The following SYBU variants were observed in gnomAD, a reference collection of about 807,000 sequenced individuals.
SYBU encodes GOLSYN A protein.
In SYBU, 21 loss-of-function variants were observed where a neutral mutation model predicts 35.9. That is an observed-to-expected ratio of 0.58 (90% CI 0.41 to 0.84). SYBU has a LOEUF of 0.84. Ranked by LOEUF, SYBU falls within the 40% of genes least tolerant of loss-of-function variation. The probability of loss-of-function intolerance (pLI) is 0.00; values close to 1 mark genes in which losing one functional copy is unlikely to be tolerated. For synonymous variants in SYBU, 319 were observed against 324.3 expected (o/e 0.98, Z 0.18); for missense variants, 768 against 848.2 (o/e 0.91, Z 1.17).
chr8:109,614,580 C>T (rs1019874219), intron 3 of SYBU, among the ~76,000 whole-genome samples: 1 of 152,252 alleles, frequency 6.6e-6, no homozygotes. Context: ...ACAACTTCCC[C>T]ACGCTCCTCC....
intron 1 of SYBU, among the ~76,000 whole-genome samples, chr8:109,668,690 C>T (rs1037316315): frequency 8.5e-5 from 13 of 152,136 alleles, no homozygotes; most frequent in African/African-American, 3.1e-4. Flanking sequence ...TATTTCAGAT[C>T]GTTGCTGTCA....
chr8:109,579,871 C>T lies in SYBU; in HGVS notation c.662G>A (p.Ser221Asn). The stretch of plus-strand genomic sequence containing the variant: ...ACTGCTTGGGGAAGAAGGTGCATAA[C>T]TGGGATGGATATTGACAGGGCTCAG... ...NQLSPVNIHPSYAPSSPSSSN... is the reference protein window; with the variant it reads ...NQLSPVNIHPNYAPSSPSSSN... Residue 221 changes from serine (S) to asparagine (N), a missense_variant, in exon 5 of 7, where the codon AGT (serine) becomes AAT (asparagine). Physicochemically the swap from Ser to Asn is conservative, Grantham distance 46. Coordinates refer to ENST00000276646, the MANE Select transcript of SYBU (RefSeq NM_001099754.2). 6.2e-7 allele frequency: 1 copy of T among 1,604,924 alleles called. No homozygotes were observed. The highest frequency in any genetic ancestry group is 8.5e-7 in the Non-Finnish European group (1 of 1,175,090).
intron 2 of SYBU, among the ~76,000 whole-genome samples, chr8:109,638,140 T>C (rs1300495850): frequency 6.6e-6 from 1 of 152,198 alleles, no homozygotes; most frequent in Middle Eastern, 3.2e-3. Flanking sequence ...CCACCTGCCA[T>C]GTTTACAAGG....
At chr8:109,621,687 T>C (rs1480858229) in intron 2 of SYBU, among the ~76,000 whole-genome samples, 1 of 152,224 alleles carries the variant, frequency 6.6e-6, no homozygotes, top group Non-Finnish European at 1.5e-5. Context: ...TCTGGGTATA[T>C]GTCACTTACA....
intron 4 of SYBU, 33 bp from the exon 5 acceptor site, chr8:109,580,035 T>G (rs773332920): frequency 6.2e-7 from 1 of 1,602,816 alleles, no homozygotes; most frequent in Non-Finnish European, 8.5e-7. Flanking sequence ...GTTAAAATTC[T>G]TGGGGCTACA....
chr8:109,593,896 C>T (rs1824569521), intron 3 of SYBU, among the ~76,000 whole-genome samples: 3 of 152,214 alleles, frequency 2.0e-5, no homozygotes, highest in Admixed American at 2.0e-4. Context: ...TCATAAATGT[C>T]ATCCTAGCTC....
intron 2 of SYBU, among the ~76,000 whole-genome samples, chr8:109,631,104 G>C (rs1232858147): frequency 6.6e-6 from 1 of 152,158 alleles, no homozygotes. Flanking sequence ...GCATTACGGA[G>C]CCAGGATTTT....
At position 109,669,636 on chromosome 8, in the gene SYBU, T is replaced by G. The variant is rs144940629; in HGVS notation, c.-129+11075A>C. Among the ~76,000 whole-genome samples the G allele has an allele frequency of 5.3e-3, 803 of 152,340 alleles. 6 individuals carry two copies. Among genetic ancestry groups the G allele is most frequent in the African/African-American group, 0.017 (721 of 41,578 alleles). Reference sequence around the variant, plus strand: ...ATGCTTCTTTGGGTTGATTCTTTCCTTTCCCCACGTCTCTTCTCCAACTTG... The same window carrying G: ...ATGCTTCTTTGGGTTGATTCTTTCCGTTCCCCACGTCTCTTCTCCAACTTG... On this transcript the variant is annotated intron_variant, in intron 1 of 5. Coordinates refer to the SYBU transcript ENST00000408889.
chr8:109,626,686 G>A (rs1166762968), intron 2 of SYBU, among the ~76,000 whole-genome samples: 3 of 152,164 alleles, frequency 2.0e-5, no homozygotes, highest in Non-Finnish European at 4.4e-5. Context: ...GAGGCTGGCA[G>A]ATCCCTTGAA....
chr8:109,608,078 G>T (rs1826253538), intron 3 of SYBU: 2 of 820,698 alleles, frequency 2.4e-6, no homozygotes, highest in Non-Finnish European at 3.7e-6. Context: ...TTCTGCATGT[G>T]CAGGGCAAGG....
At chr8:109,611,194 A>G (rs987701907) in intron 3 of SYBU, among the ~76,000 whole-genome samples, 1 of 152,164 alleles carries the variant, frequency 6.6e-6, no homozygotes, top group African/African-American at 2.4e-5. Flanking sequence ...TTCTCAACAC[A>G]TTAGAGTACT....
At chr8:109,671,794 A>C (rs941701497) in intron 1 of SYBU, among the ~76,000 whole-genome samples, 1 of 152,174 alleles carries the variant, frequency 6.6e-6, no homozygotes, top group African/African-American at 2.4e-5. Context: ...TACTTTATAA[A>C]TATTTAGTTA....
upstream of SYBU, chr8:109,644,850 C>A: frequency 1.8e-6 from 1 of 567,910 alleles, no homozygotes; most frequent in Non-Finnish European, 2.9e-6. Context: ...CCGACCCCGC[C>A]CCGGCCGGAC....
rs1175066686 is a variant in SYBU at position 109,577,780 on chromosome 8, TTCTA to T, written c.884+84_884+87del. ...AAATTGAATACAATCATTTTTTCTTTTCTATCTTTCTATAGTTTGGGTTCATATT... is the reference window on the plus strand; with the variant it reads ...AAATTGAATACAATCATTTTTTCTTTTCTTTCTATAGTTTGGGTTCATATT... On this transcript the variant is annotated intron_variant, in intron 6 of 6. Coordinates refer to ENST00000276646, the MANE Select transcript of SYBU (RefSeq NM_001099754.2). The T allele has an allele frequency of 1.8e-5, 24 of 1,364,906 alleles. No individual in the cohort carries two copies. In the African/African-American group the frequency reaches 3.1e-4, roughly 18 times the overall value. 84.5% of individuals were successfully genotyped at this position (1,364,906 alleles called of 1,614,324 possible). A position where few individuals can be genotyped will look rare whatever the true frequency, so the allele number is the denominator to read the frequency against.
intron 1 of SYBU, chr8:109,644,352 G>A (rs563009643): frequency 9.9e-6 from 6 of 604,180 alleles, no homozygotes; most frequent in Middle Eastern, 3.7e-4. Flanking sequence ...CACACACACA[G>A]GATATCAACT....
At chr8:109,599,097 A>G (rs1825215473) in intron 3 of SYBU, among the ~76,000 whole-genome samples, 1 of 152,172 alleles carries the variant, frequency 6.6e-6, no homozygotes, top group East Asian at 1.9e-4. Flanking sequence ...TTGAAAACAC[A>G]TTTACAAACA....
At chr8:109,652,849 T>G (rs1487754046) in intron 1 of SYBU, among the ~76,000 whole-genome samples, 2 of 152,214 alleles carry the variant, frequency 1.3e-5, no homozygotes, top group Non-Finnish European at 2.9e-5. Flanking sequence ...CTTTCTTCTG[T>G]TTACCTGCTG....
chr8:109,647,671 A>G (rs1815845969), upstream of SYBU: 1 of 152,260 alleles, frequency 6.6e-6, no homozygotes, highest in African/African-American at 2.4e-5. Context: ...GATAAAGAAC[A>G]TAGATACAAC....
In SYBU at chr8:109,575,687, T is replaced by A; in HGVS notation, c.1211A>T (p.Asn404Ile). Reference sequence around the variant, plus strand: ...ATCTGCCATTGTGTCAAGAGGGGGGTTGAGGGTTAAGCTCTTCTCTGGGGA... The same window carrying A: ...ATCTGCCATTGTGTCAAGAGGGGGGATGAGGGTTAAGCTCTTCTCTGGGGA... The part of the protein sequence containing the change: ...CDSPEKSLTL[N>I]PPLDTMADGL... The change falls in exon 7 of 7, where the codon AAC becomes ATC. Residue 404 changes from asparagine to isoleucine, a missense_variant. Transcript: ENST00000276646. The A allele has an allele frequency of 6.2e-7, 1 of 1,613,550 alleles. No homozygotes were observed. The highest frequency in any genetic ancestry group is 8.5e-7 in the Non-Finnish European group (1 of 1,179,884).
Sources: gnomAD v4.1 joint callset for allele counts (sites outside exome capture counted in the v4.1 genomes callset) on GRCh38, gnomAD v4.1.1 for gene constraint, MANE v1.5 for transcripts, NCBI Gene and HGNC (gene_info 2026-07-23, HGNC 2026-07-21) for gene names.